Variants in KCNK10 observed in about 807,000 individuals in gnomAD.
KCNK10 encodes potassium two pore domain channel subfamily K member 10.
Under a neutral mutation model 47.7 loss-of-function variants are expected in KCNK10, and 25 were observed. That is an observed-to-expected ratio of 0.52 (90% CI 0.38 to 0.73). KCNK10 has a LOEUF of 0.73. Among genes scored for constraint, KCNK10 ranks in the 30% least tolerant of loss-of-function variants. KCNK10 has a pLI of 0.00. For missense variants in KCNK10, 563 were observed against 714.5 expected, an observed-to-expected ratio of 0.79 and a Z score of 2.42; for synonymous variants, 303 against 285.6, an observed-to-expected ratio of 1.06 and a Z score of -0.61.
At position 88,180,777 on chromosome 14, in the gene KCNK10, G is replaced by A. The variant is rs1185764274; in HGVS notation, c.*4758C>T. 6 of 398,630 alleles carry A rather than the reference G, an allele frequency of 1.5e-5. No homozygotes were observed. The highest frequency in any genetic ancestry group is 4.4e-5 in the Admixed American group (1 of 22,720). 24.7% of individuals were successfully genotyped at this position (398,630 alleles called of 1,614,324 possible). ...GGTTTACATGGAGTATGGATGGGTTGGTGAAGTCCAATGAAGGTATGGTGC... is the reference window on the plus strand; with the variant it reads ...GGTTTACATGGAGTATGGATGGGTTAGTGAAGTCCAATGAAGGTATGGTGC... On this transcript the variant is annotated 3_prime_UTR_variant, in exon 7 of 7. Coordinates refer to ENST00000319231, the MANE Select transcript of KCNK10 (RefSeq NM_138317.3).
intron 1 of KCNK10, among the ~76,000 whole-genome samples, chr14:88,313,238 C>A (rs1888362387): frequency 6.6e-6 from 1 of 152,146 alleles, no homozygotes; most frequent in Non-Finnish European, 1.5e-5. Flanking sequence ...AGCATTTAGC[C>A]TAGCACGTGG....
At chr14:88,280,328 G>A (rs1887622562) in intron 1 of KCNK10, among the ~76,000 whole-genome samples, 1 of 151,850 alleles carries the variant, frequency 6.6e-6, no homozygotes, top group African/African-American at 2.4e-5. Context: ...TCTCTCGTTG[G>A]GTCTTTTTAA....
In KCNK10 at chr14:88,234,183, C is replaced by T. The variant is rs111751763; in HGVS notation, c.520+6520G>A. On this transcript the variant is annotated intron_variant, in intron 3 of 6. Coordinates refer to ENST00000319231, the MANE Select transcript of KCNK10 (RefSeq NM_138317.3). ...AGGCCACCCAGCTTCCTTTGTTGGA[C>T]GCTGTGAGTCTGTGGATTAAGCTGA... Among the ~76,000 whole-genome samples the T allele has an allele frequency of 9.6e-3, 1,465 of 152,274 alleles. 26 individuals are homozygous for T. Among genetic ancestry groups the T allele is most frequent in the African/African-American group, 0.033 (1,361 of 41,558 alleles).
chr14:88,234,597 T>C (rs1472870136), intron 3 of KCNK10, among the ~76,000 whole-genome samples: 1 of 152,176 alleles, frequency 6.6e-6, no homozygotes, highest in African/African-American at 2.4e-5. Flanking sequence ...CAGAGAGCAA[T>C]AAGGCAGGGA....
rs1211328675 is a variant in KCNK10, at chr14:88,278,252, GA to G, written c.53-14702del. On this transcript the variant is annotated intron_variant, in intron 1 of 6. Transcript: ENST00000319231. ...TCTGCTAAGCTGCTATACTGGTACAGAAGTTGGCTTCAGTATCATTTTCAAG... is the reference window on the plus strand; with the variant it reads ...TCTGCTAAGCTGCTATACTGGTACAGAGTTGGCTTCAGTATCATTTTCAAG... 2.6e-5 allele frequency among the ~76,000 whole-genome samples: 4 copies of G among 152,318 alleles called. No homozygotes were observed. The East Asian group carries it at 7.7e-4, about 29-fold the overall frequency.
At chr14:88,289,904 G>T (rs1278660190) in intron 1 of KCNK10, among the ~76,000 whole-genome samples, 2 of 152,194 alleles carry the variant, frequency 1.3e-5, no homozygotes, top group Admixed American at 1.3e-4. Context: ...ATTACTAAGG[G>T]CATCGTGCTT....
At chr14:88,307,866 T>C (rs747819406) in intron 1 of KCNK10, among the ~76,000 whole-genome samples, 1 of 152,166 alleles carries the variant, frequency 6.6e-6, no homozygotes, top group East Asian at 1.9e-4. Flanking sequence ...TGATGTTTAT[T>C]AGGTGCCTCC....
intron 1 of KCNK10, among the ~76,000 whole-genome samples, chr14:88,309,843 C>T (rs1888274542): frequency 6.7e-6 from 1 of 149,890 alleles, no homozygotes; most frequent in Non-Finnish European, 1.5e-5. Flanking sequence ...GTGAGTTTAA[C>T]ATGAGCAGAG....
intron 1 of KCNK10, among the ~76,000 whole-genome samples, chr14:88,305,197 C>T (rs1272470343): frequency 6.6e-6 from 1 of 150,620 alleles, no homozygotes; most frequent in Non-Finnish European, 1.5e-5. Context: ...AGACCCTAAG[C>T]TCGAAAAAAA....
rs574293758 is a variant in KCNK10, at chr14:88,221,080, TC to T, written c.681+6294del. On this transcript the variant is annotated intron_variant, in intron 4 of 6. Transcript: ENST00000319231. ...ACTCTGGGAGACCGAGGCAGGTGGA[TC>T]ACCTGAGGTCAGGAGTTCAAGACCA... is the stretch of plus-strand genomic sequence containing the variant. 5.0e-3 allele frequency among the ~76,000 whole-genome samples: 760 copies of T among 152,062 alleles called. 1 individual carries two copies. Among genetic ancestry groups the T allele is most frequent in the African/African-American group, 0.018 (728 of 41,476 alleles).
intron 4 of KCNK10, among the ~76,000 whole-genome samples, chr14:88,195,548 T>C (rs1884886006): frequency 6.6e-6 from 1 of 152,202 alleles, no homozygotes; most frequent in Non-Finnish European, 1.5e-5. Flanking sequence ...TGGTTGTCCT[T>C]TCCTGGATAT....
intron 2 of KCNK10, among the ~76,000 whole-genome samples, chr14:88,252,839 G>A (rs8019435): frequency 2.0e-5 from 3 of 152,180 alleles, no homozygotes; most frequent in Non-Finnish European, 4.4e-5. Flanking sequence ...GAGGACAGGA[G>A]AGAGAGCTCT....
At position 88,284,942 on chromosome 14, in the gene KCNK10, TACTC is replaced by T. The variant is rs374990754; in HGVS notation, c.53-21395_53-21392del. ...TGTATTGTGCAAATTAAATACATAA[TACTC>T]ACAGGGTGCTTAGAATATTCAATGT... On this transcript the variant is annotated intron_variant, in intron 1 of 6. Transcript: ENST00000319231. Among the ~76,000 whole-genome samples, 520 of 152,336 alleles carry T rather than the reference TACTC, an allele frequency of 3.4e-3. 3 individuals are homozygous for T. The highest frequency in any genetic ancestry group is 0.012 in the African/African-American group (492 of 41,562).
In KCNK10 at chr14:88,308,162, G is replaced by T. The variant is rs559491038; in HGVS notation, c.52+14585C>A. On this transcript the variant is annotated intron_variant, in intron 1 of 6. Coordinates refer to ENST00000319231, the MANE Select transcript of KCNK10 (RefSeq NM_138317.3). ...AATAATCATCAGCACCCCCAGTCAA[G>T]GTTCCCTCGATCACTAGGACGAGCT... is the stretch of plus-strand genomic sequence containing the variant. 3.3e-5 allele frequency among the ~76,000 whole-genome samples: 5 copies of T among 152,208 alleles called. No homozygotes were observed. The South Asian group carries it at 1.0e-3, about 32-fold the overall frequency.
At chr14:88,301,644 T>C (rs1319666478) in intron 1 of KCNK10, among the ~76,000 whole-genome samples, 2 of 53,756 alleles carry the variant, frequency 3.7e-5, no homozygotes, top group African/African-American at 1.2e-4. Flanking sequence ...CAGAAGATAA[T>C]CCTAGGAGAA....
chr14:88,187,844 G>GC (rs1566677639), intron 6 of KCNK10, 123 bp downstream of exon 6: 5 of 815,550 alleles, frequency 6.1e-6, no homozygotes, highest in Middle Eastern at 3.6e-4. Context: ...CCTATGACCC[G>GC]CCCCCCGCTC....
At chr14:88,207,331 C>G (rs1247166501) in intron 4 of KCNK10, among the ~76,000 whole-genome samples, 1 of 152,118 alleles carries the variant, frequency 6.6e-6, no homozygotes, top group African/African-American at 2.4e-5. Flanking sequence ...CGCCATCGCG[C>G]CCGGCTAATT....
intron 2 of KCNK10, among the ~76,000 whole-genome samples, chr14:88,245,853 G>T (rs1886622782): frequency 6.6e-6 from 1 of 152,136 alleles, no homozygotes. Flanking sequence ...AGCTATGCTG[G>T]GACCACAGGA....
intron 2 of KCNK10, among the ~76,000 whole-genome samples, chr14:88,243,098 G>A (rs1423951422): frequency 6.6e-6 from 1 of 152,150 alleles, no homozygotes; most frequent in East Asian, 1.9e-4. Context: ...TCCTTTTCAA[G>A]TTTCATTTTT....
Sources: allele counts gnomAD v4.1 joint callset (sites outside exome capture counted in the v4.1 genomes callset), GRCh38; gene constraint gnomAD v4.1.1; transcripts MANE v1.5; gene names NCBI Gene and HGNC (gene_info 2026-07-23, HGNC 2026-07-21).